NRCAM: variants seen among roughly 807,000 people sequenced by gnomAD.
NRCAM encodes the protein NgCAM-related cell adhesion molecule.
In NRCAM, 83 loss-of-function variants were observed where a neutral mutation model predicts 156.5. That is an observed-to-expected ratio of 0.53 (90% CI 0.44 to 0.64). The LOEUF (loss-of-function observed/expected upper bound fraction) is 0.64, where lower values mean the gene tolerates loss of function less well. Among genes scored for constraint, NRCAM ranks in the 30% least tolerant of loss-of-function variants. The pLI is 0.00. For synonymous variants in NRCAM, 538 were observed against 563.9 expected (o/e 0.95, Z 0.65); for missense variants, 1,417 against 1,597.3 (o/e 0.89, Z 1.92).
intron 1 of NRCAM, among the ~76,000 whole-genome samples, chr7:108,431,041 A>G (rs1189698601): frequency 6.6e-6 from 1 of 152,222 alleles, no homozygotes; most frequent in East Asian, 1.9e-4. Context: ...TGTTTGCTGA[A>G]TGAATAAATA....
intron 13 of NRCAM, among the ~76,000 whole-genome samples, chr7:108,202,551 A>C (rs938298406): frequency 1.3e-5 from 2 of 152,186 alleles, no homozygotes; most frequent in African/African-American, 4.8e-5. Context: ...TTTGGGCATA[A>C]TGTAGAACAC....
chr7:108,221,211 T>C (rs576189925), intron 11 of NRCAM, among the ~76,000 whole-genome samples: 1 of 152,278 alleles, frequency 6.6e-6, no homozygotes, highest in Admixed American at 6.5e-5. Context: ...GATGTTGGCA[T>C]GGATGCGGTT....
At chr7:108,408,107 CT>C (rs1029959107) in intron 1 of NRCAM, among the ~76,000 whole-genome samples, 2 of 152,136 alleles carry the variant, frequency 1.3e-5, no homozygotes, top group Admixed American at 6.5e-5. Context: ...GATTTGTTTT[CT>C]TTTTTTAAAA....
chr7:108,283,508 G>C (rs377105991), intron 3 of NRCAM, among the ~76,000 whole-genome samples: 3 of 152,268 alleles, frequency 2.0e-5, no homozygotes, highest in East Asian at 3.9e-4. Context: ...CAGGAGATGC[G>C]AATGAGGGGC....
intron 2 of NRCAM, among the ~76,000 whole-genome samples, chr7:108,315,512 A>G (rs1290471458): frequency 6.6e-6 from 1 of 152,174 alleles, no homozygotes; most frequent in Non-Finnish European, 1.5e-5. Flanking sequence ...CAAAAAACAG[A>G]CAGTATGGTC....
intron 3 of NRCAM, among the ~76,000 whole-genome samples, chr7:108,244,697 C>A (rs1198544296): frequency 1.3e-5 from 2 of 152,180 alleles, no homozygotes; most frequent in Non-Finnish European, 2.9e-5. Context: ...CTGTGAGAAG[C>A]TTTAAGGACC....
chr7:108,172,126 C>T (rs2058673823), intron 28 of NRCAM, among the ~76,000 whole-genome samples: 1 of 152,132 alleles, frequency 6.6e-6, no homozygotes, highest in Admixed American at 6.5e-5. Flanking sequence ...GATGCTTGGT[C>T]CTCAGAGCGC....
At chr7:108,176,172 G>C (rs2060423592) in intron 27 of NRCAM, among the ~76,000 whole-genome samples, 2 of 152,080 alleles carry the variant, frequency 1.3e-5, no homozygotes, top group South Asian at 4.1e-4. Context: ...TCAAATTCAA[G>C]TGTGGCAAAT....
chr7:108,222,605 G>C (rs2092627495), intron 11 of NRCAM, among the ~76,000 whole-genome samples: 9 of 152,000 alleles, frequency 5.9e-5, no homozygotes, highest in Admixed American at 5.9e-4. Context: ...CTTTAAAAGG[G>C]GGTTTTGCTA....
At chr7:108,311,412 A>AACT (rs2098801774) in intron 3 of NRCAM, among the ~76,000 whole-genome samples, 1 of 152,178 alleles carries the variant, frequency 6.6e-6, no homozygotes, top group African/African-American at 2.4e-5. Flanking sequence ...GGTACATAAA[A>AACT]ACTATATAAA....
At chr7:108,299,105 CAA>C (rs1292917918) in intron 3 of NRCAM, among the ~76,000 whole-genome samples, 2 of 16,962 alleles carry the variant, frequency 1.2e-4, no homozygotes, top group Admixed American at 1.0e-3. Flanking sequence ...GACTCCATCT[CAA>C]AAAAAAAAAA....
At chr7:108,329,992 A>T (rs1282451453) in intron 2 of NRCAM, among the ~76,000 whole-genome samples, 5 of 152,230 alleles carry the variant, frequency 3.3e-5, no homozygotes, top group African/African-American at 1.2e-4. Context: ...TGCTATGTAT[A>T]TGTGTTACTA....
chr7:108,300,594 A>T (rs998083127), intron 3 of NRCAM, among the ~76,000 whole-genome samples: 2 of 152,182 alleles, frequency 1.3e-5, no homozygotes, highest in African/African-American at 4.8e-5. Flanking sequence ...GAAAAATGTC[A>T]CATGTCTATC....
intron 13 of NRCAM, among the ~76,000 whole-genome samples, chr7:108,200,737 T>TACACACAC (rs61489479): frequency 1.8e-4 from 24 of 135,068 alleles, no homozygotes; most frequent in Non-Finnish European, 2.4e-4. Flanking sequence ...GATAAAGAAA[T>TACACACAC]ACACACACAC....
intron 2 of NRCAM, among the ~76,000 whole-genome samples, chr7:108,327,911 C>T (rs1020194540): frequency 2.6e-5 from 4 of 152,116 alleles, no homozygotes; most frequent in Non-Finnish European, 5.9e-5. Context: ...TCAAAAACAT[C>T]AGGCATGCAG....
chr7:108,367,854 T>C (rs1222015018), intron 2 of NRCAM, among the ~76,000 whole-genome samples: 1 of 152,196 alleles, frequency 6.6e-6, no homozygotes, highest in Admixed American at 6.5e-5. Flanking sequence ...CAAATATTTT[T>C]ATTACTAAAA....
chr7:108,442,922 A>G (rs1173493126), intron 1 of NRCAM, among the ~76,000 whole-genome samples: 3 of 151,730 alleles, frequency 2.0e-5, no homozygotes, highest in Non-Finnish European at 4.4e-5. Context: ...AAATAGCCAT[A>G]ATTCAAAATT....
chr7:108,260,468 G>A (rs2096849769), intron 3 of NRCAM, among the ~76,000 whole-genome samples: 1 of 152,166 alleles, frequency 6.6e-6, no homozygotes, highest in South Asian at 2.1e-4. Context: ...ATATGGAGGA[G>A]TACTGAGCTG....
At chr7:108,289,457 T>C (rs1032643738) in intron 3 of NRCAM, among the ~76,000 whole-genome samples, 1 of 152,174 alleles carries the variant, frequency 6.6e-6, no homozygotes, top group African/African-American at 2.4e-5. Flanking sequence ...ATAGTCACGA[T>C]GTTGTACAAC....
Sources: gnomAD v4.1 joint callset for allele counts (sites outside exome capture counted in the v4.1 genomes callset) on GRCh38, gnomAD v4.1.1 for gene constraint, MANE v1.5 for transcripts, NCBI Gene and HGNC (gene_info 2026-07-23, HGNC 2026-07-21) for gene names.